Variants in MARCHF1 observed in about 807,000 individuals in gnomAD.
The protein encoded by MARCHF1 is membrane associated ring-CH-type finger 1.
Under a neutral mutation model 54.2 loss-of-function variants are expected in MARCHF1, and 40 were observed. The ratio of observed to expected loss-of-function variants is 0.74; its 90% CI spans 0.57 to 0.96. The LOEUF is 0.96. MARCHF1 is among the 40% of genes least tolerant of loss of function. The pLI is 0.00. For synonymous variants in MARCHF1, 236 were observed against 236.3 expected (o/e 1.00, Z 0.01); for missense variants, 586 against 656.5 (o/e 0.89, Z 1.17).
chr4:164,336,249 A>T (rs966526161), intron 1 of MARCHF1, among the ~76,000 whole-genome samples: 1 of 152,226 alleles, frequency 6.6e-6, no homozygotes, highest in Non-Finnish European at 1.5e-5. Context: ...TCAGATAAAC[A>T]TCCTTAGTAA....
At chr4:164,057,549 C>G (rs1754519926) in intron 2 of MARCHF1, among the ~76,000 whole-genome samples, 1 of 152,102 alleles carries the variant, frequency 6.6e-6, no homozygotes, top group African/African-American at 2.4e-5. Context: ...AGAACGGTGG[C>G]AGATTTTTTT....
intron 2 of MARCHF1, among the ~76,000 whole-genome samples, chr4:164,003,144 G>T (rs1046919564): frequency 6.6e-6 from 1 of 151,634 alleles, no homozygotes; most frequent in Non-Finnish European, 1.5e-5. Flanking sequence ...AGGACAGAGG[G>T]CAATCAGTTA....
At chr4:163,626,247 G>A (rs1256037791) in intron 5 of MARCHF1, among the ~76,000 whole-genome samples, 1 of 152,206 alleles carries the variant, frequency 6.6e-6, no homozygotes. Context: ...GACAACACAA[G>A]GCAACTTGTC....
At chr4:163,659,142 G>A (rs1016533367) in intron 5 of MARCHF1, among the ~76,000 whole-genome samples, 56 of 151,900 alleles carry the variant, frequency 3.7e-4, no homozygotes, top group African/African-American at 1.2e-3. Flanking sequence ...TGTCTTTTGT[G>A]TATTGCATTC....
intron 4 of MARCHF1, among the ~76,000 whole-genome samples, chr4:163,750,513 A>AAAATAAAT (rs34968782): frequency 0.18 from 25,180 of 142,806 alleles, 2,494 homozygotes; most frequent in East Asian, 0.34. Flanking sequence ...TCTGTCTCAA[A>AAAATAAAT]AAATAAATAA....
intron 5 of MARCHF1, among the ~76,000 whole-genome samples, chr4:163,623,292 T>G (rs1345284284): frequency 6.6e-6 from 1 of 152,162 alleles, no homozygotes; most frequent in Non-Finnish European, 1.5e-5. Flanking sequence ...GTACTCAGGC[T>G]TCCTAGTAAA....
intron 1 of MARCHF1, among the ~76,000 whole-genome samples, chr4:164,216,232 AAAAC>A (rs1292271017): frequency 6.6e-6 from 1 of 152,234 alleles, no homozygotes; most frequent in East Asian, 1.9e-4. Context: ...TTTATCCAAG[AAAAC>A]ACCATGAGTA....
At chr4:163,758,756 C>G (rs952329141) in intron 4 of MARCHF1, among the ~76,000 whole-genome samples, 4 of 152,294 alleles carry the variant, frequency 2.6e-5, no homozygotes, top group Admixed American at 1.3e-4. Context: ...GGGCTTGGTT[C>G]TGACCTCCTA....
chr4:163,781,870 G>A (rs1747475816), intron 4 of MARCHF1, among the ~76,000 whole-genome samples: 1 of 152,184 alleles, frequency 6.6e-6, no homozygotes, highest in Non-Finnish European at 1.5e-5. Flanking sequence ...GTAAGTCAGA[G>A]ATTACCTTTA....
At chr4:163,941,651 G>T (rs1406060531) in intron 3 of MARCHF1, among the ~76,000 whole-genome samples, 7 of 151,966 alleles carry the variant, frequency 4.6e-5, no homozygotes, top group Admixed American at 1.3e-4. Flanking sequence ...CTTTACCCGT[G>T]GTCCTTCAGA....
At chr4:164,122,378 G>A (rs568125847) in intron 1 of MARCHF1, among the ~76,000 whole-genome samples, 1 of 152,188 alleles carries the variant, frequency 6.6e-6, no homozygotes, top group African/African-American at 2.4e-5. Flanking sequence ...ATTGGCATTT[G>A]TGCCAATAAT....
At chr4:164,173,664 T>G (rs56654618) in intron 1 of MARCHF1, among the ~76,000 whole-genome samples, 23,929 of 152,038 alleles carry the variant, frequency 0.16, 2,648 homozygotes, top group African/African-American at 0.3. Context: ...GTTGTTTAAA[T>G]GAACCTTGCA....
intron 4 of MARCHF1, among the ~76,000 whole-genome samples, chr4:163,781,351 A>G (rs895077400): frequency 6.6e-6 from 1 of 152,186 alleles, no homozygotes; most frequent in Non-Finnish European, 1.5e-5. Context: ...CTCCATCTCA[A>G]AAAAAGAACA....
intron 4 of MARCHF1, among the ~76,000 whole-genome samples, chr4:163,820,890 G>A (rs1234505765): frequency 2.0e-5 from 3 of 151,928 alleles, no homozygotes; most frequent in African/African-American, 7.3e-5. Context: ...ATCTGATCTT[G>A]TCCCATTTAT....
chr4:163,760,092 G>C (rs1167286572), intron 4 of MARCHF1, among the ~76,000 whole-genome samples: 2 of 152,186 alleles, frequency 1.3e-5, no homozygotes, highest in Non-Finnish European at 2.9e-5. Flanking sequence ...TCTTCAGAAG[G>C]CTGTAAGGGG....
At chr4:164,210,543 C>A (rs1186050282) in intron 1 of MARCHF1, among the ~76,000 whole-genome samples, 2 of 152,118 alleles carry the variant, frequency 1.3e-5, no homozygotes, top group Non-Finnish European at 2.9e-5. Flanking sequence ...TGGGCTGGAG[C>A]TCTGAAGATC....
At chr4:163,604,394 A>G (rs35694228) in intron 7 of MARCHF1, among the ~76,000 whole-genome samples, 8,103 of 152,202 alleles carry the variant, frequency 0.053, 302 homozygotes, top group Middle Eastern at 0.088. Context: ...CTGAAAGCCG[A>G]TTATATATAT....
In MARCHF1 at chr4:163,528,842, T is replaced by G. The variant is rs1342672537; in HGVS notation, c.1544A>C (p.Asp515Ala). 2.5e-6 allele frequency: 4 copies of G among 1,613,292 alleles called. No homozygotes were observed. In the Admixed American group the frequency reaches 6.7e-5, roughly 27 times the overall value. Residue 515 changes from aspartate to alanine, a missense_variant, in exon 10 of 10, where the codon GAC (aspartate) becomes GCC (alanine). This residue lies in a region of MARCHF1 where 106 missense variants were observed against 93.8 expected (regional missense o/e 1.13). Transcript: ENST00000514618. ...AGGCACTACCACAGCATCTTTGATG[T>G]CTGTGTTTACATTACATGAGAAGTT... ...EKNFSCNVNT[D>A]IKDAVVVPVP...
At chr4:164,293,512 T>A (rs1254782207) in intron 1 of MARCHF1, among the ~76,000 whole-genome samples, 1 of 152,250 alleles carries the variant, frequency 6.6e-6, no homozygotes, top group Non-Finnish European at 1.5e-5. Context: ...ACAGCCTGAT[T>A]CATGAATCAT....
Sources: allele counts gnomAD v4.1 joint callset (sites outside exome capture counted in the v4.1 genomes callset), GRCh38; gene constraint gnomAD v4.1.1; regional missense constraint gnomAD v4.1.1; transcripts MANE v1.5; gene names NCBI Gene and HGNC (gene_info 2026-07-23, HGNC 2026-07-21).